Variants in CENPF observed in about 807,000 individuals in gnomAD.
CENPF encodes AH antigen.
Under a neutral mutation model 307.3 loss-of-function variants are expected in CENPF, and 214 were observed. The observed-to-expected ratio is 0.70, with a 90% CI of 0.62 to 0.78. The LOEUF is 0.78. Among genes scored for constraint, CENPF ranks in the 30% least tolerant of loss-of-function variants. The pLI, the probability that CENPF is intolerant of heterozygous loss-of-function variation, is 0.00. For missense variants in CENPF, 3,401 were observed against 3,483.9 expected (o/e 0.98, Z 0.60); for synonymous variants, 1,259 against 1,270.6 (o/e 0.99, Z 0.19).
chr1:214,614,732 C>A, intron 2 of CENPF, 100 bp from the exon 3 acceptor site: 1 of 724,190 alleles, frequency 1.4e-6, no homozygotes, highest in Non-Finnish European at 2.2e-6. Flanking sequence ...GCAGCTGTAT[C>A]TCAGGAATTT....
At position 214,642,026 on chromosome 1, in the gene CENPF, GAGA is replaced by G. The variant is rs1381902424; in HGVS notation, c.3691_3693del (p.Lys1231del). On this transcript the variant is annotated inframe_deletion, in exon 12 of 20. Transcript: ENST00000366955. ...ATTAAAACTTCAGGAAAGTGAGAAG[GAGA>G]AGGAGTGCCTGCAGCATGAATTACA... 2 of 1,611,330 alleles carry G rather than the reference GAGA, an allele frequency of 1.2e-6. No individual in the cohort carries two copies. The highest frequency in any genetic ancestry group is 2.2e-5 in the East Asian group (1 of 44,870).
In CENPF at chr1:214,630,766, G is replaced by A. The variant is rs115414295; in HGVS notation, c.1323+104G>A. On this transcript the variant is annotated intron_variant, in intron 9 of 19. Coordinates refer to ENST00000366955, the MANE Select transcript of CENPF (RefSeq NM_016343.4). ...CATATGATACTTTCAAAGAAAAAGC[G>A]CTCCACCTTCACTTTCCCTATCAAA... 0.015 allele frequency: 20,675 copies of A among 1,406,172 alleles called. 231 individuals are homozygous for A. The highest frequency in any genetic ancestry group is 0.039 in the South Asian group (2,688 of 68,318). 87.1% of individuals were successfully genotyped at this position (1,406,172 alleles called of 1,614,324 possible).
chr1:214,614,735 A>G (rs1657289487), intron 2 of CENPF, 97 bp from the exon 3 acceptor site: 2 of 748,838 alleles, frequency 2.7e-6, no homozygotes, highest in Admixed American at 6.9e-5. Flanking sequence ...GCTGTATCTC[A>G]GGAATTTAGT....
In CENPF at chr1:214,656,955, C is replaced by A; in HGVS notation, c.8508C>A (p.Val2836=). 1.2e-6 allele frequency: 2 copies of A among 1,608,622 alleles called. No individual in the cohort carries two copies. Among genetic ancestry groups the A allele is most frequent in the South Asian group, 1.1e-5 (1 of 90,538 alleles). The change falls in exon 18 of 20, where the codon GTC becomes GTA. Residue 2836 remains valine (V), a synonymous_variant. Coordinates refer to ENST00000366955, the MANE Select transcript of CENPF (RefSeq NM_016343.4). The stretch of plus-strand genomic sequence containing the variant: ...CAGGTACTGTTATGGATACCAAGGT[C>A]GATGAATTAACAACTGAGATCAAAG... ...QKTGTVMDTK[V]DELTTEIKEL...
At position 214,663,769 on chromosome 1, in the gene CENPF, G is replaced by T; in HGVS notation, c.9320G>T (p.Gly3107Val). The T allele has an allele frequency of 6.2e-7, 1 of 1,614,048 alleles. No homozygotes were observed. The highest frequency in any genetic ancestry group is 8.5e-7 in the Non-Finnish European group (1 of 1,179,996). The change falls in exon 20 of 20, where the codon GGC becomes GTC. Residue 3107 changes from glycine (G) to valine (V), a missense_variant. Physicochemically the swap from Gly to Val is moderately radical, Grantham distance 109. Coordinates refer to ENST00000366955, the MANE Select transcript of CENPF (RefSeq NM_016343.4). ...CCCAAAGCTGGACTGGAGTCCAACG[G>T]CAGTGAGAACTGTAAGGTCCAGTGA... ...PSPKAGLESN[G>V]SENCKVQ
intron 14 of CENPF, among the ~76,000 whole-genome samples, chr1:214,651,036 CAGCATGGAG>C (rs1658447512): frequency 6.6e-6 from 1 of 152,196 alleles, no homozygotes; most frequent in Admixed American, 6.5e-5. Context: ...CTTTAGTTTG[CAGCATGGAG>C]GTTGCTGATG....
At position 214,613,881 on chromosome 1, in the gene CENPF, AG is replaced by A. The variant is rs1293947684; in HGVS notation, c.128del (p.Ser43IlefsTer23). The A allele has an allele frequency of 6.2e-7, 1 of 1,613,706 alleles. No individual in the cohort carries two copies. Among genetic ancestry groups the A allele is most frequent in the Admixed American group, 1.7e-5 (1 of 59,946 alleles). On this transcript the variant is annotated frameshift_variant, in exon 2 of 20. Coordinates refer to ENST00000366955, the MANE Select transcript of CENPF (RefSeq NM_016343.4). LOFTEE classifies it high-confidence loss of function. ...EKQQRQFQLDSLEAALQKQKQ... is the reference protein window; with the variant it reads ...EKQQRQFQLDXLEAALQKQKQ... Reference sequence around the variant, plus strand: ...GCAGCAAAGGCAGTTTCAGCTTGACAGTCTCGAGGCTGCGCTGCAGAAGCAA... The same window carrying A: ...GCAGCAAAGGCAGTTTCAGCTTGACATCTCGAGGCTGCGCTGCAGAAGCAA...
chr1:214,653,035 G>A (rs1472256940), intron 16 of CENPF, 46 bp downstream of exon 16: 1 of 1,519,438 alleles, frequency 6.6e-7, no homozygotes, highest in South Asian at 1.1e-5. Context: ...GGTTTATACA[G>A]GTGGTAGTGA....
chr1:214,606,512 C>T (rs960027995), intron 1 of CENPF, among the ~76,000 whole-genome samples: 1 of 152,090 alleles, frequency 6.6e-6, no homozygotes, highest in African/African-American at 2.4e-5. Flanking sequence ...ACAGCGGACA[C>T]TCTTCCTCCC....
intron 17 of CENPF, among the ~76,000 whole-genome samples, chr1:214,655,971 A>C (rs1658621838): frequency 1.3e-5 from 2 of 152,200 alleles, no homozygotes; most frequent in African/African-American, 4.8e-5. Context: ...CTTTTTGCTA[A>C]TGAGCCATTC....
intron 17 of CENPF, among the ~76,000 whole-genome samples, chr1:214,656,101 T>A (rs1226390825): frequency 6.6e-6 from 1 of 152,210 alleles, no homozygotes; most frequent in Non-Finnish European, 1.5e-5. Context: ...TCCATTCGTA[T>A]GGGTCAACTA....
Position 214,659,050 on chromosome 1 carries a change from T to C in CENPF, c.9141+22T>C, listed in dbSNP as rs2102422089. 1 of 1,612,716 alleles carries C rather than the reference T, an allele frequency of 6.2e-7. No homozygotes were observed. Among genetic ancestry groups the C allele is most frequent in the Non-Finnish European group, 8.5e-7 (1 of 1,179,270 alleles). On this transcript the variant is annotated intron_variant, in intron 19 of 19. Transcript: ENST00000366955. This position sits in a 1 kb window ranked among gnomAD's most constrained non-coding sequence, Gnocchi z 4.4. ...AAAGGTAAACTACTGTCAACATCCG[T>C]CTACTGTTTGAGATCCAGAAAATTG...
chr1:214,649,389 G>T (rs1267563834), intron 14 of CENPF, among the ~76,000 whole-genome samples: 1 of 152,178 alleles, frequency 6.6e-6, no homozygotes, highest in Non-Finnish European at 1.5e-5. Flanking sequence ...CTGCTACCAT[G>T]CAGAGAGAGC....
rs540706907 is a variant in CENPF at position 214,663,956 on chromosome 1, G to C, written c.*162G>C. On this transcript the variant is annotated 3_prime_UTR_variant, in exon 20 of 20. Coordinates refer to ENST00000366955, the MANE Select transcript of CENPF (RefSeq NM_016343.4). ...GTACTCTTTAGATCTCCCATGTGTA[G>C]GTATTGAAAAAGTTTGGAAGCACTG... 8.3e-5 allele frequency: 51 copies of C among 615,136 alleles called. No individual in the cohort carries two copies. The African/African-American group carries it at 8.6e-4, about 10-fold the overall frequency. The allele number at this position is 615,136 out of a possible 1,614,324, so 38.1% of individuals were successfully genotyped here.
intron 19 of CENPF, among the ~76,000 whole-genome samples, chr1:214,661,154 G>A (rs1658778032): frequency 6.6e-6 from 1 of 152,156 alleles, no homozygotes; most frequent in Non-Finnish European, 1.5e-5. Flanking sequence ...CATGGTTTCT[G>A]CAGATTTTGT....
Position 214,620,840 on chromosome 1 carries a change from T to C in CENPF, c.759T>C (p.Thr253=). 6.2e-7 allele frequency: 1 copy of C among 1,614,236 alleles called. No individual in the cohort carries two copies. The highest frequency in any genetic ancestry group is 8.5e-7 in the Non-Finnish European group (1 of 1,180,032). Reference sequence around the variant, plus strand: ...ACTTTTCTGGGGAACAAGAGGTGACTCCAAGTCGATCAACTTTGCAAATAG... The same window carrying C: ...ACTTTTCTGGGGAACAAGAGGTGACCCCAAGTCGATCAACTTTGCAAATAG... ...ASYFSGEQEV[T]PSRSTLQIGK... is the part of the protein sequence containing the mutation. The change falls in exon 6 of 20, where the codon ACT becomes ACC. Residue 253 remains threonine, a synonymous_variant. Transcript: ENST00000366955.
chr1:214,644,803 T>C lies in CENPF; in HGVS notation c.5233T>C (p.Cys1745Arg). Residue 1745 changes from cysteine to arginine, a missense_variant, in exon 13 of 20, where the codon TGC becomes CGC. Physicochemically the swap from Cys to Arg is radical, Grantham distance 180. Coordinates refer to ENST00000366955, the MANE Select transcript of CENPF (RefSeq NM_016343.4). Reference sequence around the variant, plus strand: ...AGATAAAACCCAGGGCTCTTCAGAATGCATTTCTGAATTGTCATTTTCTGG... The same window carrying C: ...AGATAAAACCCAGGGCTCTTCAGAACGCATTTCTGAATTGTCATTTTCTGG... ...GEDKTQGSSECISELSFSGPN... is the reference protein window; with the variant it reads ...GEDKTQGSSERISELSFSGPN... The C allele has an allele frequency of 6.2e-7, 1 of 1,613,998 alleles. No homozygotes were observed. Among genetic ancestry groups the C allele is most frequent in the Middle Eastern group, 1.7e-4 (1 of 6,060 alleles).
chr1:214,623,750 G>A (rs1268816671), intron 7 of CENPF, among the ~76,000 whole-genome samples: 4 of 152,128 alleles, frequency 2.6e-5, no homozygotes, highest in Non-Finnish European at 5.9e-5. Context: ...CAGACCTGGG[G>A]CTGGAACAGT....
intron 16 of CENPF, among the ~76,000 whole-genome samples, chr1:214,654,991 T>C (rs1274601878): frequency 6.6e-6 from 1 of 152,186 alleles, no homozygotes; most frequent in African/African-American, 2.4e-5. Context: ...GGGCACTTAA[T>C]AGACATCTCA....
Sources: allele counts gnomAD v4.1 joint callset (sites outside exome capture counted in the v4.1 genomes callset), GRCh38; gene constraint gnomAD v4.1.1; non-coding constraint Gnocchi (gnomAD v3.1); transcripts MANE v1.5; gene names NCBI Gene and HGNC (gene_info 2026-07-23, HGNC 2026-07-21).